PRKG1: variants seen among roughly 807,000 people sequenced by gnomAD.
PRKG1 encodes cGMP-dependent protein kinase 1.
In PRKG1, 35 loss-of-function variants were observed where a neutral mutation model predicts 88.1. The ratio of observed to expected loss-of-function variants is 0.40; its 90% CI spans 0.30 to 0.53. The LOEUF is 0.53. PRKG1 is among the 20% of genes least tolerant of loss of function. PRKG1 has a pLI of 0.59. For missense variants in PRKG1, 540 were observed against 839.8 expected, an observed-to-expected ratio of 0.64 and a Z score of 4.41; for synonymous variants, 303 against 292.5, an observed-to-expected ratio of 1.04 and a Z score of -0.37.
intron 8 of PRKG1, among the ~76,000 whole-genome samples, chr10:52,152,027 T>A (rs1837940999): frequency 6.6e-6 from 1 of 152,166 alleles, no homozygotes; most frequent in Non-Finnish European, 1.5e-5. Context: ...ATTGCTGTAT[T>A]AGGATGCTAG....
intron 17 of PRKG1, among the ~76,000 whole-genome samples, chr10:52,292,073 C>T (rs201511749): frequency 9.2e-5 from 14 of 152,072 alleles, no homozygotes; most frequent in African/African-American, 2.7e-4. Flanking sequence ...TGAGAAGTGT[C>T]GGTTCATGTC....
intron 1 of PRKG1, among the ~76,000 whole-genome samples, chr10:51,109,926 A>G (rs1371448517): frequency 6.6e-6 from 1 of 152,160 alleles, no homozygotes; most frequent in Non-Finnish European, 1.5e-5. Flanking sequence ...ATGTTTAAAC[A>G]GACATTTCAC....
intron 9 of PRKG1, chr10:52,184,724 C>T (rs1839140358): frequency 6.6e-6 from 1 of 152,166 alleles, no homozygotes; most frequent in Non-Finnish European, 1.5e-5. Flanking sequence ...TCTGCTACTG[C>T]TGTGGCCCTC....
chr10:52,042,587 G>T (rs1845776790), intron 5 of PRKG1, among the ~76,000 whole-genome samples: 1 of 152,002 alleles, frequency 6.6e-6, no homozygotes, highest in Admixed American at 6.6e-5. Flanking sequence ...ATGGATTAAA[G>T]ACTTAAACAT....
intron 2 of PRKG1, among the ~76,000 whole-genome samples, chr10:51,251,627 A>G (rs7094420): frequency 0.012 from 1,775 of 151,902 alleles, 33 homozygotes; most frequent in African/African-American, 0.039. Flanking sequence ...ATTTTCTACT[A>G]TATAATCTAA....
At chr10:51,612,073 T>C (rs960588800) in intron 3 of PRKG1, among the ~76,000 whole-genome samples, 6 of 152,126 alleles carry the variant, frequency 3.9e-5, no homozygotes, top group African/African-American at 1.4e-4. Flanking sequence ...GGTAATGTAA[T>C]GATTTCAGCT....
chr10:51,560,370 T>G (rs1837427262), intron 3 of PRKG1, among the ~76,000 whole-genome samples: 1 of 152,116 alleles, frequency 6.6e-6, no homozygotes, highest in African/African-American at 2.4e-5. Context: ...AAAAGTAAAC[T>G]TGATTTAATA....
intron 2 of PRKG1, among the ~76,000 whole-genome samples, chr10:51,413,842 T>C (rs1414394869): frequency 6.6e-6 from 1 of 152,180 alleles, no homozygotes; most frequent in African/African-American, 2.4e-5. Context: ...AGTTTTTTTG[T>C]TTCTTTGCTG....
At chr10:51,652,612 A>G (rs1214710762) in intron 3 of PRKG1, among the ~76,000 whole-genome samples, 1 of 152,086 alleles carries the variant, frequency 6.6e-6, no homozygotes, top group Non-Finnish European at 1.5e-5. Context: ...AAATTATTTT[A>G]TTTTTAATTG....
intron 2 of PRKG1, among the ~76,000 whole-genome samples, chr10:51,276,206 A>T (rs915696586): frequency 6.6e-6 from 1 of 152,152 alleles, no homozygotes; most frequent in African/African-American, 2.4e-5. Flanking sequence ...TGAGTGAGAA[A>T]ATGCGGTGTT....
intron 3 of PRKG1, among the ~76,000 whole-genome samples, chr10:51,515,591 A>G (rs780574906): frequency 6.6e-6 from 1 of 152,200 alleles, no homozygotes; most frequent in Non-Finnish European, 1.5e-5. Context: ...AATTTCAAGC[A>G]TGTTACTAAA....
intron 3 of PRKG1, among the ~76,000 whole-genome samples, chr10:51,576,988 A>G (rs1250899137): frequency 6.6e-6 from 1 of 151,932 alleles, no homozygotes; most frequent in Non-Finnish European, 1.5e-5. Flanking sequence ...TCACTTCAAA[A>G]TCTAATACTT....
intron 5 of PRKG1, among the ~76,000 whole-genome samples, chr10:51,928,592 C>A (rs1443771528): frequency 1.3e-5 from 2 of 152,144 alleles, no homozygotes; most frequent in Non-Finnish European, 1.5e-5. Context: ...TGGAAAGTAA[C>A]CCCTTCTTTC....
At chr10:51,852,584 A>G (rs1840587015) in intron 4 of PRKG1, among the ~76,000 whole-genome samples, 1 of 152,130 alleles carries the variant, frequency 6.6e-6, no homozygotes, top group Non-Finnish European at 1.5e-5. Flanking sequence ...GTGAAACTCC[A>G]GTCTGTCTGA....
At chr10:51,400,796 A>C (rs970036875) in intron 2 of PRKG1, among the ~76,000 whole-genome samples, 1 of 152,296 alleles carries the variant, frequency 6.6e-6, no homozygotes. Context: ...TATTAGGAGA[A>C]CTGGTGAACT....
At chr10:51,010,841 T>C (rs1842985454) in intron 1 of PRKG1, among the ~76,000 whole-genome samples, 1 of 152,218 alleles carries the variant, frequency 6.6e-6, no homozygotes, top group Non-Finnish European at 1.5e-5. Flanking sequence ...GTACTCTCTT[T>C]CCTTAATTTA....
intron 5 of PRKG1, among the ~76,000 whole-genome samples, chr10:51,996,612 G>A (rs1478049244): frequency 6.6e-6 from 1 of 152,070 alleles, no homozygotes; most frequent in African/African-American, 2.4e-5. Flanking sequence ...TAGACTGGCT[G>A]TTATCAAAAA....
intron 2 of PRKG1, among the ~76,000 whole-genome samples, chr10:51,307,249 A>C (rs1031291566): frequency 3.3e-5 from 5 of 152,116 alleles, no homozygotes; most frequent in Admixed American, 6.6e-5. Context: ...GAGAGTTTAC[A>C]TTTATTGAGT....
At position 51,769,995 on chromosome 10, in the gene PRKG1, G is replaced by A. The variant is rs146510709; in HGVS notation, c.593-34590G>A. On this transcript the variant is annotated intron_variant, in intron 3 of 17. Transcript: ENST00000373980. ...TGTTGTACAACCTTGTTGAAATCCT[G>A]TTGTGCCAGTCTTCCCTAGGTTAAT... Among the ~76,000 whole-genome samples, 380 of 152,332 alleles carry A rather than the reference G, an allele frequency of 2.5e-3. 1 individual carries two copies. The highest frequency in any genetic ancestry group is 4.2e-3 in the Non-Finnish European group (286 of 68,032).
Sources: gnomAD v4.1 joint callset for allele counts (sites outside exome capture counted in the v4.1 genomes callset) on GRCh38, gnomAD v4.1.1 for gene constraint, MANE v1.5 for transcripts, NCBI Gene and HGNC (gene_info 2026-07-23, HGNC 2026-07-21) for gene names.